TTC23: variants seen among roughly 807,000 people sequenced by gnomAD.
The protein encoded by TTC23 is tetratricopeptide repeat domain 23, also known as tetratricopeptide repeat protein 23.
In TTC23, 58 loss-of-function variants were observed where a neutral mutation model predicts 55.1. The observed-to-expected ratio is 1.05, with a 90% CI of 0.85 to 1.31. The LOEUF (loss-of-function observed/expected upper bound fraction) is 1.31. Among genes scored for constraint, TTC23 ranks in the 50% most tolerant of loss-of-function variants. The pLI, the probability that TTC23 is intolerant of heterozygous loss-of-function variation, is 0.00. For missense variants in TTC23, 516 were observed against 534.4 expected (o/e 0.97, Z 0.34); for synonymous variants, 203 against 199.9 (o/e 1.02, Z -0.13).
chr15:99,239,845 G>A (rs765953829), intron 3 of TTC23, among the ~76,000 whole-genome samples: 3 of 152,102 alleles, frequency 2.0e-5, no homozygotes, highest in African/African-American at 4.8e-5. Context: ...ACTTTCACAT[G>A]TTTTATCTCA....
At chr15:99,180,120 C>A (rs1458717283) in intron 9 of TTC23, among the ~76,000 whole-genome samples, 3 of 152,108 alleles carry the variant, frequency 2.0e-5, no homozygotes, top group Non-Finnish European at 2.9e-5. Flanking sequence ...ATAGTTTGAC[C>A]ACACTCACTC....
chr15:99,153,206 G>A (rs2070075606), intron 12 of TTC23, among the ~76,000 whole-genome samples: 1 of 152,218 alleles, frequency 6.6e-6, no homozygotes, highest in Admixed American at 6.5e-5. Flanking sequence ...TGGCATATGG[G>A]TAATGTTTAA....
intron 9 of TTC23, among the ~76,000 whole-genome samples, chr15:99,197,013 C>G (rs1305514144): frequency 6.6e-6 from 1 of 152,186 alleles, no homozygotes; most frequent in Non-Finnish European, 1.5e-5. Flanking sequence ...TGTCTTCCCC[C>G]AAAAGCATCT....
intron 11 of TTC23, 105 bp from the exon 12 acceptor site, chr15:99,156,402 G>A (rs1388287512): frequency 7.4e-7 from 1 of 1,351,044 alleles, no homozygotes; most frequent in Non-Finnish European, 1.0e-6. Flanking sequence ...CTCACGAGCT[G>A]AGCCTGTTCT....
intron 9 of TTC23, among the ~76,000 whole-genome samples, chr15:99,175,606 G>A (rs1233386999): frequency 1.3e-5 from 2 of 152,232 alleles, no homozygotes; most frequent in African/African-American, 4.8e-5. Context: ...TTGTGCCTGT[G>A]CCACCAAGCC....
intron 12 of TTC23, chr15:99,144,433 G>C (rs2068595260): frequency 6.6e-6 from 1 of 152,200 alleles, no homozygotes; most frequent in East Asian, 1.9e-4. Context: ...CTGTGAAAAT[G>C]TGCAGCTGTT....
chr15:99,140,882 T>G (rs1357579225), intron 12 of TTC23: 4 of 152,198 alleles, frequency 2.6e-5, no homozygotes, highest in African/African-American at 9.6e-5. Flanking sequence ...ACATGAAGAA[T>G]TCCTATAAGG....
At chr15:99,179,840 A>G (rs8026991) in intron 9 of TTC23, among the ~76,000 whole-genome samples, 60,342 of 152,100 alleles carry the variant, frequency 0.4, 12,291 homozygotes, top group Middle Eastern at 0.54. Context: ...ATTGAGAACC[A>G]CAGCACATGC....
At chr15:99,151,190 GCAACCCTGTCC>G (rs1555496730) in intron 12 of TTC23, 1 of 152,148 alleles carries the variant, frequency 6.6e-6, no homozygotes, top group African/African-American at 2.4e-5. Context: ...AGGGATGCTG[GCAACCCTGTCC>G]CAGGTCTTCT....
At chr15:99,243,136 C>G (rs1055626508) in intron 2 of TTC23, among the ~76,000 whole-genome samples, 4 of 152,006 alleles carry the variant, frequency 2.6e-5, no homozygotes, top group Admixed American at 6.6e-5. Context: ...ATATAAGGAG[C>G]TTAAACAAAA....
At chr15:99,232,387 G>A (rs556637530) in intron 4 of TTC23, among the ~76,000 whole-genome samples, 3 of 151,562 alleles carry the variant, frequency 2.0e-5, no homozygotes, top group South Asian at 2.1e-4. Context: ...GCTGAGGCAG[G>A]AGAATTGCTT....
At chr15:99,191,509 T>C (rs1305836150) in intron 9 of TTC23, among the ~76,000 whole-genome samples, 1 of 152,234 alleles carries the variant, frequency 6.6e-6, no homozygotes, top group Non-Finnish European at 1.5e-5. Flanking sequence ...TGAATAAGTC[T>C]CACAAGACTT....
At chr15:99,246,575 A>T (rs1377174484) in intron 1 of TTC23, among the ~76,000 whole-genome samples, 2 of 151,608 alleles carry the variant, frequency 1.3e-5, no homozygotes, top group Non-Finnish European at 2.9e-5. Flanking sequence ...AGATCGAGCC[A>T]CTGTACTCCA....
In TTC23 at chr15:99,173,090, C is replaced by T. The variant is rs138277710; in HGVS notation, c.865+1960G>A. Reference sequence around the variant, plus strand: ...CTAGGCAAAAAGATGGTCTTTTGGCCTTAGCCTCCTCTCTGTTTGGTTTGG... The same window carrying T: ...CTAGGCAAAAAGATGGTCTTTTGGCTTTAGCCTCCTCTCTGTTTGGTTTGG... On this transcript the variant is annotated intron_variant, in intron 10 of 13. Coordinates refer to ENST00000394132, the MANE Select transcript of TTC23 (RefSeq NM_001288615.3). Among the ~76,000 whole-genome samples the T allele has an allele frequency of 8.6e-4, 131 of 152,270 alleles. 1 individual carries two copies. The highest frequency in any genetic ancestry group is 3.0e-3 in the African/African-American group (126 of 41,556).
intron 3 of TTC23, among the ~76,000 whole-genome samples, chr15:99,240,020 T>G (rs930756340): frequency 1.3e-5 from 2 of 152,236 alleles, no homozygotes; most frequent in African/African-American, 4.8e-5. Context: ...ATCCTGCCTT[T>G]CACTGACCAC....
At chr15:99,169,794 C>A (rs974062302) in intron 10 of TTC23, among the ~76,000 whole-genome samples, 1 of 152,146 alleles carries the variant, frequency 6.6e-6, no homozygotes, top group Admixed American at 6.5e-5. Flanking sequence ...TATACATATT[C>A]GTGCATAGGA....
chr15:99,192,885 C>T (rs950579252), intron 9 of TTC23, among the ~76,000 whole-genome samples: 9 of 152,188 alleles, frequency 5.9e-5, no homozygotes, highest in African/African-American at 1.2e-4. Context: ...GCCACAGGGG[C>T]GGAGCTGCCC....
chr15:99,226,217 A>G (rs2078399142), intron 5 of TTC23, among the ~76,000 whole-genome samples: 1 of 152,250 alleles, frequency 6.6e-6, no homozygotes, highest in African/African-American at 2.4e-5. Context: ...TTAAGAAGAA[A>G]TATAAACAAG....
rs371393167 is a variant in TTC23, at chr15:99,138,049, G to C, written c.1305C>G (p.Thr435=). ...VAFCTSIPQD[T]LLGKARPGTT... ...TGCCGGGCCGGGCCTTCCCCAGCAG[G>C]GTGTCCTGAGGGATGCTGGTGCAGA... Residue 435 remains threonine (T), a synonymous_variant, in exon 14 of 14, where the codon ACC becomes ACG. Coordinates refer to ENST00000394132, the MANE Select transcript of TTC23 (RefSeq NM_001288615.3). The C allele has an allele frequency of 1.9e-6, 3 of 1,613,928 alleles. No individual in the cohort carries two copies. The highest frequency in any genetic ancestry group is 2.7e-5 in the African/African-American group (2 of 74,916).
Sources: gnomAD v4.1 joint callset for allele counts (sites outside exome capture counted in the v4.1 genomes callset) on GRCh38, gnomAD v4.1.1 for gene constraint, MANE v1.5 for transcripts, NCBI Gene and HGNC (gene_info 2026-07-23, HGNC 2026-07-21) for gene names.